The following MYO6 variants were observed in gnomAD, a reference collection of about 807,000 sequenced individuals.
The protein encoded by MYO6 is unconventional myosin-VI.
In MYO6, 74 loss-of-function variants were observed where a neutral mutation model predicts 178.7. The ratio of observed to expected loss-of-function variants is 0.41; its 90% confidence interval spans 0.34 to 0.50. The LOEUF (loss-of-function observed/expected upper bound fraction) is 0.50. Among genes scored for constraint, MYO6 ranks in the 20% least tolerant of loss-of-function variants. MYO6 has a pLI of 0.09. For missense variants in MYO6, 1,330 were observed against 1,547.4 expected (o/e 0.86, Z 2.36); for synonymous variants, 477 against 504.6 (o/e 0.95, Z 0.73).
intron 16 of MYO6, among the ~76,000 whole-genome samples, chr6:75,866,286 T>TGGGG (rs1315548564): frequency 2.0e-5 from 3 of 150,922 alleles, no homozygotes; most frequent in African/African-American, 7.3e-5. Flanking sequence ...TGTGTGTGTG[T>TGGGG]GTGTGTGTGT....
chr6:75,763,250 T>C (rs1314081964), intron 1 of MYO6, among the ~76,000 whole-genome samples: 1 of 152,032 alleles, frequency 6.6e-6, no homozygotes, highest in Admixed American at 6.6e-5. Context: ...GGTCTTGAAC[T>C]CCTGACCTCA....
chr6:75,891,109 A>G (rs1778869870), intron 26 of MYO6, 119 bp from the exon 27 acceptor site: 2 of 615,130 alleles, frequency 3.3e-6, no homozygotes, highest in Non-Finnish European at 5.8e-6. Context: ...TGTGGCCAGG[A>G]GGTTAATTTG....
chr6:75,894,439 T>G (rs779495998), intron 28 of MYO6, among the ~76,000 whole-genome samples: 2 of 152,204 alleles, frequency 1.3e-5, no homozygotes, highest in Non-Finnish European at 2.9e-5. Flanking sequence ...AAGAATGCCC[T>G]TCAAATCCTT....
intron 16 of MYO6, among the ~76,000 whole-genome samples, chr6:75,863,689 T>C (rs1019818387): frequency 6.6e-6 from 1 of 152,040 alleles, no homozygotes; most frequent in Non-Finnish European, 1.5e-5. Context: ...TTTCACCAGG[T>C]TGGCCAGGAG....
chr6:75,764,198 C>T (rs189609292), intron 1 of MYO6, among the ~76,000 whole-genome samples: 135 of 152,304 alleles, frequency 8.9e-4, no homozygotes, highest in Non-Finnish European at 1.7e-3. Flanking sequence ...ATGCGGGCCA[C>T]CATGCCTGGT....
intron 1 of MYO6, among the ~76,000 whole-genome samples, chr6:75,765,301 C>T (rs56294539): frequency 6.7e-6 from 1 of 148,930 alleles, no homozygotes; most frequent in South Asian, 2.2e-4. Flanking sequence ...CTCAGCCTCC[C>T]AAGTAGCTGG....
Position 75,837,470 on chromosome 6 carries a change from A to G in MYO6, c.553+1514A>G, listed in dbSNP as rs144270489. Among the ~76,000 whole-genome samples, 103 of 152,312 alleles carry G rather than the reference A, an allele frequency of 6.8e-4. 1 individual carries two copies. Among genetic ancestry groups the G allele is most frequent in the African/African-American group, 2.3e-3 (97 of 41,566 alleles). On this transcript the variant is annotated intron_variant, in intron 7 of 34. Coordinates refer to ENST00000369977, the MANE Select transcript of MYO6 (RefSeq NM_004999.4). ...GGTCTCAACCTCCTGGGCTCAAGCA[A>G]TCCTCCTGCCTCAGCCTTGTAAGTA... is the stretch of plus-strand genomic sequence containing the variant.
intron 1 of MYO6, among the ~76,000 whole-genome samples, chr6:75,800,535 GA>G (rs1386131774): frequency 6.6e-6 from 1 of 152,084 alleles, no homozygotes; most frequent in African/African-American, 2.4e-5. Context: ...AAAAGAAAAA[GA>G]AATTGTCATT....
intron 20 of MYO6, among the ~76,000 whole-genome samples, chr6:75,876,759 C>T (rs1176173633): frequency 6.6e-6 from 1 of 151,528 alleles, no homozygotes; most frequent in Non-Finnish European, 1.5e-5. Flanking sequence ...TTTTAAGTAT[C>T]AATAATAGAT....
At chr6:75,774,196 A>G (rs1005689886) in intron 1 of MYO6, among the ~76,000 whole-genome samples, 3 of 152,222 alleles carry the variant, frequency 2.0e-5, no homozygotes, top group Admixed American at 2.0e-4. Context: ...ATAACAGGTA[A>G]TATAAATGCT....
At chr6:75,756,885 T>G (rs1023238953) in intron 1 of MYO6, among the ~76,000 whole-genome samples, 4 of 69,372 alleles carry the variant, frequency 5.8e-5, no homozygotes, top group Admixed American at 2.2e-4. Flanking sequence ...CTTATGTGTG[T>G]TGTGTGTGTA....
At chr6:75,850,320 A>G (rs1172081561) in intron 11 of MYO6, among the ~76,000 whole-genome samples, 1 of 152,234 alleles carries the variant, frequency 6.6e-6, no homozygotes, top group Non-Finnish European at 1.5e-5. Context: ...CTTATTCTGC[A>G]TTTCATCATA....
chr6:75,828,272 C>T (rs1772682336), intron 3 of MYO6, among the ~76,000 whole-genome samples: 1 of 152,102 alleles, frequency 6.6e-6, no homozygotes, highest in South Asian at 2.1e-4. Flanking sequence ...GCTTTTTAAT[C>T]AACCTTCATT....
intron 5 of MYO6, among the ~76,000 whole-genome samples, chr6:75,831,238 T>C (rs1451447427): frequency 1.3e-5 from 2 of 152,190 alleles, no homozygotes; most frequent in Non-Finnish European, 2.9e-5. Context: ...ATAAAGCAGC[T>C]AAATGACATG....
chr6:75,823,238 C>A (rs974270601), intron 3 of MYO6, among the ~76,000 whole-genome samples: 1 of 152,060 alleles, frequency 6.6e-6, no homozygotes, highest in East Asian at 1.9e-4. Flanking sequence ...TTAACATCAC[C>A]GTTTGAAGCA....
intron 1 of MYO6, among the ~76,000 whole-genome samples, chr6:75,801,151 T>C (rs1025431797): frequency 6.6e-5 from 10 of 152,258 alleles, no homozygotes; most frequent in African/African-American, 2.2e-4. Flanking sequence ...TGAGACTGGG[T>C]CATTTATAAA....
intron 1 of MYO6, among the ~76,000 whole-genome samples, chr6:75,778,237 A>G (rs1766585097): frequency 1.3e-5 from 2 of 152,154 alleles, no homozygotes; most frequent in Non-Finnish European, 2.9e-5. Flanking sequence ...TAATTGCTTT[A>G]TGGTATTTTG....
intron 11 of MYO6, among the ~76,000 whole-genome samples, chr6:75,849,496 T>A (rs1775054068): frequency 6.6e-6 from 1 of 152,180 alleles, no homozygotes; most frequent in Non-Finnish European, 1.5e-5. Flanking sequence ...GAAGGACTTT[T>A]AAAGTACAGC....
chr6:75,764,752 C>CTT (rs957831400), intron 1 of MYO6, among the ~76,000 whole-genome samples: 2 of 152,140 alleles, frequency 1.3e-5, no homozygotes, highest in Non-Finnish European at 2.9e-5. Flanking sequence ...AGGCCAGGCA[C>CTT]TTTGAGAGGC....
Sources: allele counts gnomAD v4.1 joint callset (sites outside exome capture counted in the v4.1 genomes callset), GRCh38; gene constraint gnomAD v4.1.1; transcripts MANE v1.5; gene names NCBI Gene and HGNC (gene_info 2026-07-23, HGNC 2026-07-21).